ABCC9: variants seen among roughly 807,000 people sequenced by gnomAD.
ABCC9 encodes the protein ATP binding cassette subfamily C member 9.
A neutral mutation model predicts 188.3 loss-of-function variants in ABCC9; 95 were observed. That is an observed-to-expected ratio of 0.50 (90% CI 0.43 to 0.60). The LOEUF (loss-of-function observed/expected upper bound fraction) is 0.60, where lower values mean the gene tolerates loss of function less well. ABCC9 is among the 20% of genes least tolerant of loss of function. The pLI, the probability that ABCC9 is intolerant of heterozygous loss-of-function variation, is 0.00. For synonymous variants in ABCC9, 659 were observed against 652.7 expected, an observed-to-expected ratio of 1.01 and a Z score of -0.15; for missense variants, 1,102 against 1,876.3, an observed-to-expected ratio of 0.59 and a Z score of 7.62.
intron 5 of ABCC9, chr12:21,923,440 A>C: frequency 6.1e-6 from 1 of 163,850 alleles, no homozygotes. Flanking sequence ...CTACAACGCA[A>C]TAATAAAAGT....
chr12:21,889,067 G>T (rs891002104), intron 14 of ABCC9, among the ~76,000 whole-genome samples: 2 of 152,124 alleles, frequency 1.3e-5, no homozygotes, highest in African/African-American at 4.8e-5. Context: ...TTCAGAACTT[G>T]TTTTTTGTGA....
rs375478426 is a variant in ABCC9 at position 21,908,052 on chromosome 12, T to C, written c.1455+25A>G. On this transcript the variant is annotated intron_variant, in intron 11 of 39. Coordinates refer to ENST00000261200, the MANE Select transcript of ABCC9 (RefSeq NM_020297.4). ...AAACAGCATTTCTCATTTTTGTAAT[T>C]AAGTTTCCAAAAGATGTTACTTACA... is the stretch of plus-strand genomic sequence containing the variant. The C allele has an allele frequency of 1.9e-6, 3 of 1,609,402 alleles. No homozygotes were observed. In the East Asian group the frequency reaches 6.7e-5, roughly 36 times the overall value.
chr12:21,905,696 G>C (rs1333439021), intron 12 of ABCC9, among the ~76,000 whole-genome samples: 1 of 152,200 alleles, frequency 6.6e-6, no homozygotes. Flanking sequence ...GGGATAAGAA[G>C]ATCAATCGTC....
chr12:21,912,906 T>C lies in ABCC9; in HGVS notation c.977A>G (p.Asn326Ser), dbSNP rs1187106310. The C allele has an allele frequency of 4.3e-6, 7 of 1,613,654 alleles. No homozygotes were observed. The highest frequency in any genetic ancestry group is 1.3e-5 in the African/African-American group (1 of 75,022). Residue 326 changes from asparagine (N) to serine (S), a missense_variant, in exon 8 of 40, where the codon AAT (asparagine) becomes AGT (serine). Around this residue, in one of 12 missense-constraint regions of ABCC9, gnomAD observed 305 missense variants for 573.0 expected, o/e 0.53. Transcript: ENST00000261200. ...GTTATTTGTCCCATTCTGGGTTTCATTCACACGCTGAACTATTCCAGAAAT... is the reference window on the plus strand; with the variant it reads ...GTTATTTGTCCCATTCTGGGTTTCACTCACACGCTGAACTATTCCAGAAAT... Reference protein sequence around the residue: ...LCISGIVQRVNETQNGTNNTT... With the variant: ...LCISGIVQRVSETQNGTNNTT...
Position 21,941,175 on chromosome 12 carries a change from A to G in ABCC9, c.-137+25T>C, listed in dbSNP as rs1949667980. 1.3e-5 allele frequency: 2 copies of G among 152,290 alleles called. No homozygotes were observed. The highest frequency in any genetic ancestry group is 1.3e-4 in the Admixed American group (2 of 15,290). The allele number at this position is 152,290 out of a possible 1,614,324, so 9.4% of individuals were successfully genotyped here. A position where few individuals can be genotyped will look rare whatever the true frequency, so the allele number is the denominator to read the frequency against. ...TCCTAAAAATGTTTAAATGGCATTC[A>G]TGTAAAAGACACGGATTCACTTACT... On this transcript the variant is annotated intron_variant, in intron 1 of 39. Transcript: ENST00000261200. The surrounding 1 kb of genome is among the most constrained non-coding windows in gnomAD (Gnocchi z 5.4).
intron 3 of ABCC9, 142 bp from the exon 4 acceptor site, chr12:21,934,065 A>C (rs1949388608): frequency 1.3e-6 from 1 of 742,906 alleles, no homozygotes; most frequent in Non-Finnish European, 2.2e-6. Context: ...AGCAATGGAA[A>C]TCCTAGTCTA....
At chr12:21,890,663 C>G (rs1947110786) in intron 14 of ABCC9, among the ~76,000 whole-genome samples, 1 of 152,082 alleles carries the variant, frequency 6.6e-6, no homozygotes, top group South Asian at 2.1e-4. Flanking sequence ...AGTTCATGTC[C>G]TTTGTACGGA....
intron 12 of ABCC9, 44 bp downstream of exon 12, chr12:21,906,082 G>A (rs372231685): frequency 1.3e-6 from 2 of 1,579,490 alleles, no homozygotes; most frequent in African/African-American, 1.4e-5. Flanking sequence ...TGGTTATTCT[G>A]GTTGCCCTTA....
chr12:21,909,906 G>A (rs1948238331), intron 10 of ABCC9, among the ~76,000 whole-genome samples: 1 of 151,758 alleles, frequency 6.6e-6, no homozygotes, highest in Non-Finnish European at 1.5e-5. Flanking sequence ...AGAAAACTAG[G>A]GCTTTGAGGA....
intron 22 of ABCC9, among the ~76,000 whole-genome samples, chr12:21,858,218 G>T (rs1314847154): frequency 6.6e-6 from 1 of 152,132 alleles, no homozygotes; most frequent in African/African-American, 2.4e-5. Flanking sequence ...CTCAGGTTCA[G>T]TCAGTAATTG....
chr12:21,855,890 C>T (rs1945202287), intron 22 of ABCC9, among the ~76,000 whole-genome samples: 1 of 152,132 alleles, frequency 6.6e-6, no homozygotes, highest in South Asian at 2.1e-4. Context: ...TGACTAAGAA[C>T]ACAAGCTCTG....
At chr12:21,916,729 G>A (rs528121470) in intron 6 of ABCC9, among the ~76,000 whole-genome samples, 2 of 152,242 alleles carry the variant, frequency 1.3e-5, no homozygotes, top group African/African-American at 4.8e-5. Flanking sequence ...ATCAATATTT[G>A]TGAATGAATA....
At chr12:21,851,636 G>T (rs1225618386) in intron 24 of ABCC9, among the ~76,000 whole-genome samples, 3 of 152,050 alleles carry the variant, frequency 2.0e-5, no homozygotes, top group Non-Finnish European at 4.4e-5. Flanking sequence ...TCCCAGATAT[G>T]CCTTACAACT....
intron 4 of ABCC9, among the ~76,000 whole-genome samples, chr12:21,931,434 G>A (rs544613028): frequency 4.2e-4 from 63 of 151,314 alleles, no homozygotes; most frequent in African/African-American, 1.1e-3. Flanking sequence ...ATGATGTTTC[G>A]AAAAGCCTGA....
intron 12 of ABCC9, among the ~76,000 whole-genome samples, chr12:21,905,643 T>C (rs1199748379): frequency 6.6e-6 from 1 of 152,126 alleles, no homozygotes; most frequent in Non-Finnish European, 1.5e-5. Flanking sequence ...GTGCTACCCA[T>C]GTGTATTCTG....
chr12:21,916,789 TTTAGTGA>T (rs1311519022), intron 6 of ABCC9, 141 bp downstream of exon 6: 3 of 617,456 alleles, frequency 4.9e-6, no homozygotes, highest in Non-Finnish European at 7.5e-6. Flanking sequence ...ATGGCCTGAA[TTTAGTGA>T]TTAGTTCAAC....
At chr12:21,841,008 C>T (rs1281045244) in intron 29 of ABCC9, among the ~76,000 whole-genome samples, 1 of 152,186 alleles carries the variant, frequency 6.6e-6, no homozygotes, top group Admixed American at 6.5e-5. Context: ...TAGCACTTAT[C>T]CATGTATTAG....
Position 21,912,863 on chromosome 12 carries a change from G to A in ABCC9, c.1011+9C>T. On this transcript the variant is annotated intron_variant, in intron 8 of 39. Transcript: ENST00000261200. Reference sequence around the variant, plus strand: ...AATATGTTTCCATTGAAAATCACCAGGAACTTACTCCAGTTGTGTTATTTG... The same window carrying A: ...AATATGTTTCCATTGAAAATCACCAAGAACTTACTCCAGTTGTGTTATTTG... 1.9e-6 allele frequency: 3 copies of A among 1,612,282 alleles called. No individual in the cohort carries two copies. Among genetic ancestry groups the A allele is most frequent in the Non-Finnish European group, 2.5e-6 (3 of 1,178,652 alleles).
At chr12:21,848,445 T>C (rs923048555) in intron 24 of ABCC9, among the ~76,000 whole-genome samples, 199 bp from the exon 25 acceptor site, 4 of 152,122 alleles carry the variant, frequency 2.6e-5, no homozygotes, top group African/African-American at 9.7e-5. Context: ...GCTGCAGTGC[T>C]CAAAGGTGTG....
Sources: gnomAD v4.1 joint callset for allele counts (sites outside exome capture counted in the v4.1 genomes callset) on GRCh38, gnomAD v4.1.1 for gene constraint, gnomAD v4.1.1 regional missense constraint, Gnocchi (gnomAD v3.1) non-coding constraint, MANE v1.5 for transcripts, NCBI Gene and HGNC (gene_info 2026-07-23, HGNC 2026-07-21) for gene names.